The following KRT73 variants were observed in gnomAD, a reference collection of about 807,000 sequenced individuals.
KRT73 encodes the protein keratin, type II cytoskeletal 73.
A neutral mutation model predicts 47.2 loss-of-function variants in KRT73; 44 were observed. The observed-to-expected ratio is 0.93, with a 90% CI of 0.73 to 1.20. The LOEUF (loss-of-function observed/expected upper bound fraction) is 1.20, where lower values mean the gene tolerates loss of function less well. KRT73 is among the 50% of genes most tolerant of loss of function. The pLI, the probability that KRT73 is intolerant of heterozygous loss-of-function variation, is 0.00. For synonymous variants in KRT73, 285 were observed against 291.3 expected (o/e 0.98, Z 0.22); for missense variants, 713 against 704.5 (o/e 1.01, Z -0.14).
At chr12:52,616,809 C>T (rs1241615881) in intron 1 of KRT73, among the ~76,000 whole-genome samples, 1 of 152,172 alleles carries the variant, frequency 6.6e-6, no homozygotes, top group Admixed American at 6.5e-5. Flanking sequence ...TAGTCTCTCC[C>T]TCCTTGTGCG....
Position 52,610,708 on chromosome 12 carries a change from A to C in KRT73, c.1238T>G (p.Met413Arg). 1 of 1,613,988 alleles carries C rather than the reference A, an allele frequency of 6.2e-7. No individual in the cohort carries two copies. The highest frequency in any genetic ancestry group is 8.5e-7 in the Non-Finnish European group (1 of 1,180,008). ...CAAAAGCTCTTGGTACTCGCGCAGC[A>C]TCCGTGCCAGCTCCTCCTTGGCCTG... ...LQQAKEELAR[M>R]LREYQELLSV... Residue 413 changes from methionine to arginine, a missense_variant, in exon 7 of 9, where the codon ATG (methionine) becomes AGG (arginine). Physicochemically the swap from Met to Arg is moderately conservative, Grantham distance 91 (BLOSUM62 -1). Coordinates refer to ENST00000305748, the MANE Select transcript of KRT73 (RefSeq NM_175068.3).
chr12:52,620,905 C>T (rs1940894544), upstream of KRT73, among the ~76,000 whole-genome samples: 1 of 152,124 alleles, frequency 6.6e-6, no homozygotes, highest in Non-Finnish European at 1.5e-5. Context: ...TCAATCTTTC[C>T]TAACGGCCAG....
In KRT73 at chr12:52,614,609, T is replaced by A. The variant is rs1940773897; in HGVS notation, c.789A>T (p.Glu263Asp). Residue 263 changes from glutamate to aspartate, a missense_variant, in exon 4 of 9, where the codon GAA becomes GAT. Transcript: ENST00000305748. The stretch of plus-strand genomic sequence containing the variant: ...CGTACAGACACTTGAAGAACTTGAT[T>A]TCTCCATCCAGGGCATCCACCTTGG... ...LQAKVDALDG[E>D]IKFFKCLYEG... 6.2e-7 allele frequency: 1 copy of A among 1,613,854 alleles called. No individual in the cohort carries two copies. The highest frequency in any genetic ancestry group is 1.1e-5 in the South Asian group (1 of 91,068).
In KRT73 at chr12:52,618,269, A is replaced by T; in HGVS notation, c.256T>A (p.Phe86Ile). The T allele has an allele frequency of 6.2e-7, 1 of 1,614,178 alleles. No individual in the cohort carries two copies. The highest frequency in any genetic ancestry group is 1.6e-4 in the Middle Eastern group (1 of 6,062). Residue 86 changes from phenylalanine (F) to isoleucine (I), a missense_variant, in exon 1 of 9, where the codon TTT (phenylalanine) becomes ATT (isoleucine). Transcript: ENST00000305748. ...GRASGFAGSMFGSVALGSVCP... is the reference protein window; with the variant it reads ...GRASGFAGSMIGSVALGSVCP... The stretch of plus-strand genomic sequence containing the variant: ...ACGGACCCCAAGGCCACACTGCCAA[A>T]CATGCTGCCAGCAAAGCCACTGGCC...
the KRT73 span, among the ~76,000 whole-genome samples, chr12:52,630,024 A>G: frequency 6.6e-6 from 1 of 152,106 alleles, no homozygotes. Context: ...GAAAACTATA[A>G]CTTGTCTCCC....
chr12:52,609,638 G>A (rs1344278020), intron 7 of KRT73, among the ~76,000 whole-genome samples: 2 of 152,144 alleles, frequency 1.3e-5, no homozygotes, highest in East Asian at 1.9e-4. Flanking sequence ...ACTAATGAAC[G>A]AACTGTATGA....
At chr12:52,613,556 TC>T in intron 5 of KRT73, 131 bp downstream of exon 5, 3 of 1,488,116 alleles carry the variant, frequency 2.0e-6, no homozygotes, top group South Asian at 1.4e-5. Flanking sequence ...CCCTTTGGCT[TC>T]CCCCAGTGCC....
intron 2 of KRT73, 104 bp from the exon 3 acceptor site, chr12:52,615,443 A>G: frequency 1.1e-6 from 1 of 909,682 alleles, no homozygotes; most frequent in Non-Finnish European, 1.8e-6. Flanking sequence ...ATGCCTTTTA[A>G]GAGGTATTAT....
rs973978463 is a variant in KRT73, at chr12:52,609,252, C to T, written c.1361G>A (p.Ser454Asn). The T allele has an allele frequency of 6.2e-7, 1 of 1,613,526 alleles. No individual in the cohort carries two copies. Among genetic ancestry groups the T allele is most frequent in the Admixed American group, 1.7e-5 (1 of 60,004 alleles). ...RMSGEYTNSV[S>N]ISVINSSMAG... ...CAGAGTCATGAAATACTCACAAATG[C>T]TCACGGAGTTGGTATATTCTCCGGA... Residue 454 changes from serine (S) to asparagine (N), a missense_variant, in exon 8 of 9, where the codon AGC becomes AAC. Coordinates refer to ENST00000305748, the MANE Select transcript of KRT73 (RefSeq NM_175068.3).
intron 2 of KRT73, 132 bp downstream of exon 2, chr12:52,616,034 G>A: frequency 2.8e-6 from 3 of 1,067,480 alleles, no homozygotes; most frequent in Non-Finnish European, 4.1e-6. Flanking sequence ...CTGCCTCGTT[G>A]CCCATAGAAG....
At chr12:52,611,379 G>T (rs1365194183) in intron 5 of KRT73, 50 bp from the exon 6 acceptor site, 1 of 1,609,840 alleles carries the variant, frequency 6.2e-7, no homozygotes, top group Non-Finnish European at 8.5e-7. Context: ...GCTTGGCTGG[G>T]ATCAGCCTGG....
intron 5 of KRT73, 72 bp downstream of exon 5, chr12:52,613,616 A>G: frequency 3.8e-6 from 6 of 1,586,816 alleles, no homozygotes; most frequent in South Asian, 2.3e-5. Context: ...ACAGTGAGTC[A>G]TGGGGCAGAC....
rs1024915035 is a variant in KRT73, at chr12:52,611,403, C to A, written c.985-74G>T. ...GGATCAGCCTGGTACAGAGACTGTG[C>A]CTGCACTTGCAGAGCCTGGCAGAGG... On this transcript the variant is annotated intron_variant, in intron 5 of 8. Coordinates refer to ENST00000305748, the MANE Select transcript of KRT73 (RefSeq NM_175068.3). 4.4e-6 allele frequency: 7 copies of A among 1,582,854 alleles called. No homozygotes were observed. In the Admixed American group the frequency reaches 1.2e-4, roughly 27 times the overall value.
Position 52,608,252 on chromosome 12 carries a change from C to G in KRT73, c.1567G>C (p.Asp523His). 3.1e-6 allele frequency: 5 copies of G among 1,613,938 alleles called. No homozygotes were observed. The highest frequency in any genetic ancestry group is 4.2e-6 in the Non-Finnish European group (5 of 1,179,966). The part of the protein sequence containing the change: ...TRLGSASEFR[D>H]SQGKTLALSS... ...AGAGCTAAGGTCTTTCCCTGGGAGT[C>G]CCTGAATTCACTTGCACTCCCCAGC... Residue 523 changes from aspartate to histidine, a missense_variant, in exon 9 of 9, where the codon GAC (aspartate) becomes CAC (histidine). Asp to His is a moderately conservative substitution (Grantham distance 81). Coordinates refer to ENST00000305748, the MANE Select transcript of KRT73 (RefSeq NM_175068.3).
Position 52,608,333 on chromosome 12 carries a change from C to T in KRT73, c.1486G>A (p.Gly496Arg). ...SVSGGYSMLP[G>R]GCVTGSGNCS... ...TTCCCACTGCCAGTGACACAGCCCC[C>T]AGGCAGCATGCTGTAGCCCCCGCTG... The change falls in exon 9 of 9, where the codon GGG (glycine) becomes AGG (arginine). Residue 496 changes from glycine to arginine, a missense_variant. Physicochemically the swap from Gly to Arg is moderately radical, Grantham distance 125. Transcript: ENST00000305748. The T allele has an allele frequency of 6.2e-7, 1 of 1,613,984 alleles. No individual in the cohort carries two copies. The highest frequency in any genetic ancestry group is 8.5e-7 in the Non-Finnish European group (1 of 1,180,034).
At chr12:52,614,207 T>G in intron 4 of KRT73, 1 of 328,768 alleles carries the variant, frequency 3.0e-6, no homozygotes, top group Non-Finnish European at 5.6e-6. Flanking sequence ...CAGATGTACA[T>G]AGAGAAGGCA....
At chr12:52,611,776 T>G (rs1448461914) in intron 5 of KRT73, among the ~76,000 whole-genome samples, 1 of 152,164 alleles carries the variant, frequency 6.6e-6, no homozygotes, top group African/African-American at 2.4e-5. Flanking sequence ...TGTCTCTGAG[T>G]CTTTGCCTGA....
Position 52,608,454 on chromosome 12 carries a change from T to C in KRT73, c.1367-2A>G, listed in dbSNP as rs1468340331. ...CGGCCATGGAGCTGTTGATGACCGC[T>C]GCAGAGGAGGGAGGGACGAGTGATC... On this transcript the variant is annotated splice_acceptor_variant, in intron 8 of 8. Coordinates refer to ENST00000305748, the MANE Select transcript of KRT73 (RefSeq NM_175068.3). LOFTEE classifies it high-confidence loss of function. The C allele has an allele frequency of 1.2e-6, 2 of 1,606,214 alleles. No homozygotes were observed. The highest frequency in any genetic ancestry group is 2.2e-5 in the East Asian group (1 of 44,832).
At chr12:52,627,929 G>A in the KRT73 span, among the ~76,000 whole-genome samples, 1 of 152,158 alleles carries the variant, frequency 6.6e-6, no homozygotes, top group Admixed American at 6.5e-5. Context: ...GTGCACATGT[G>A]CACATGTGTG....
Sources: allele counts gnomAD v4.1 joint callset (sites outside exome capture counted in the v4.1 genomes callset), GRCh38; gene constraint gnomAD v4.1.1; transcripts MANE v1.5; gene names NCBI Gene and HGNC (gene_info 2026-07-23, HGNC 2026-07-21).